The following UBTF variants were observed in gnomAD, a reference collection of about 807,000 sequenced individuals.
UBTF encodes the protein upstream binding transcription factor, also known as nucleolar transcription factor 1.
UBTF carries 8 observed loss-of-function variants against 112.3 expected under a neutral mutation model. The ratio of observed to expected loss-of-function variants is 0.07; its 90% confidence interval spans 0.04 to 0.13. The LOEUF (loss-of-function observed/expected upper bound fraction) is 0.13, where lower values mean the gene tolerates loss of function less well. Ranked by LOEUF, UBTF falls within the 10% of genes least tolerant of loss-of-function variation. The pLI is 1.00. For missense variants in UBTF, 457 were observed against 982.1 expected (o/e 0.47, Z 7.15); for synonymous variants, 417 against 373.1 (o/e 1.12, Z -1.36).
chr17:44,206,340 A>G lies in UBTF; in HGVS notation c.*902T>C, dbSNP rs1182002272. The G allele has an allele frequency of 2.6e-5, 4 of 151,712 alleles. No individual in the cohort carries two copies. The highest frequency in any genetic ancestry group is 2.0e-4 in the Admixed American group (3 of 15,200). The allele number at this position is 151,712 out of a possible 1,614,324, so 9.4% of individuals were successfully genotyped here. ...CCTCAGCCTGCTCCCACCAGGGTCA[A>G]CATCTCCCGGCCCTCACCGACCCTT... On this transcript the variant is annotated 3_prime_UTR_variant, in exon 21 of 21. Transcript: ENST00000436088.
chr17:44,219,111 G>A (rs1238732915), intron 1 of UBTF: 2 of 150,184 alleles, frequency 1.3e-5, no homozygotes, highest in Admixed American at 6.6e-5. Flanking sequence ...CCTCCGGGGA[G>A]CCGAGCCAAG....
At chr17:44,209,120 G>C in intron 17 of UBTF, 1 of 317,704 alleles carries the variant, frequency 3.1e-6, no homozygotes, top group Non-Finnish European at 5.4e-6. Context: ...AGTGAGCCGA[G>C]ACTACACCAC....
chr17:44,216,741 A>G (rs369950647), intron 2 of UBTF, 37 bp from the exon 3 acceptor site: 16 of 1,606,484 alleles, frequency 1.0e-5, no homozygotes, highest in African/African-American at 1.3e-5. Context: ...TGCCTGGCTC[A>G]TGCTATCCCC....
At chr17:44,213,681 A>T (rs2046695907) in intron 5 of UBTF, among the ~76,000 whole-genome samples, 1 of 151,918 alleles carries the variant, frequency 6.6e-6, no homozygotes, top group Admixed American at 6.6e-5. Context: ...CCCTCTTCTC[A>T]CTGTCTGTGG....
At chr17:44,220,064 TGCTGCTGCC>T (rs1326098982), upstream of UBTF, among the ~76,000 whole-genome samples, 11 of 104,592 alleles carry the variant, frequency 1.1e-4, no homozygotes, top group Non-Finnish European at 1.8e-4. Context: ...CTGCTGCTGC[TGCTGCTGCC>T]GCCGCCGGGG....
intron 2 of UBTF, 146 bp downstream of exon 2, chr17:44,218,026 G>A: frequency 1.2e-6 from 1 of 852,172 alleles, no homozygotes; most frequent in Non-Finnish European, 1.9e-6. Context: ...AAGTGTGGGA[G>A]ATGCTTGATT....
At chr17:44,219,906 G>C (rs993399767), upstream of UBTF, among the ~76,000 whole-genome samples, 6 of 150,932 alleles carry the variant, frequency 4.0e-5, no homozygotes, top group East Asian at 2.0e-4. Context: ...CGCCTCGCCG[G>C]CTCCGCTCCC....
chr17:44,216,180 C>A, intron 3 of UBTF, 191 bp from the exon 4 acceptor site: 1 of 624,400 alleles, frequency 1.6e-6, no homozygotes, highest in South Asian at 1.9e-5. Context: ...ACCGCAGAGG[C>A]CCAGGCAGTC....
rs1229185494 is a variant in UBTF at position 44,216,168 on chromosome 17, C to T, written c.235-179G>A. On this transcript the variant is annotated intron_variant, in intron 3 of 20. Transcript: ENST00000436088. ...ATGACACCCAGGCACTGGCCCATGCCTACCGCAGAGGCCCAGGCAGTCAGT... is the reference window on the plus strand; with the variant it reads ...ATGACACCCAGGCACTGGCCCATGCTTACCGCAGAGGCCCAGGCAGTCAGT... 1.6e-5 allele frequency: 10 copies of T among 637,198 alleles called. No individual in the cohort carries two copies. The South Asian group carries it at 1.7e-4, about 11-fold the overall frequency. The allele number at this position is 637,198 out of a possible 1,614,324, so 39.5% of individuals were successfully genotyped here.
intron 15 of UBTF, 150 bp downstream of exon 15, chr17:44,209,974 C>G: frequency 1.1e-6 from 1 of 897,386 alleles, no homozygotes; most frequent in South Asian, 1.5e-5. Context: ...GTCACCCCCA[C>G]CTTACTGATG....
chr17:44,220,205 C>T (rs988806231), upstream of UBTF, among the ~76,000 whole-genome samples: 5 of 151,824 alleles, frequency 3.3e-5, no homozygotes, highest in African/African-American at 9.7e-5. Flanking sequence ...AACTAGCAGG[C>T]TTCGCCGGCG....
At position 44,214,282 on chromosome 17, in the gene UBTF, C is replaced by T. The variant is rs569444949; in HGVS notation, c.475-1000G>A. Among the ~76,000 whole-genome samples, 48 of 152,344 alleles carry T rather than the reference C, an allele frequency of 3.2e-4. 2 individuals are homozygous for T. The South Asian group carries it at 9.3e-3, about 30-fold the overall frequency. ...AACCAGAAGCAGAGCTCAGCCTCCT[C>T]TTCCCCCATCTCAGTCCTCCTCAGA... is the stretch of plus-strand genomic sequence containing the variant. On this transcript the variant is annotated intron_variant, in intron 5 of 20. Coordinates refer to ENST00000436088, the MANE Select transcript of UBTF (RefSeq NM_014233.4).
At position 44,209,449 on chromosome 17, in the gene UBTF, C is replaced by T. The variant is rs1275063320; in HGVS notation, c.1808G>A (p.Arg603His). ...LKERMVEIGS[R>H]WQRISQSQKE... ...CTGGCTCTGGGAGATGCGCTGCCAG[C>T]GACTGCCGATCTCCACCATGCGCTC... Residue 603 changes from arginine (R) to histidine (H), a missense_variant, in exon 17 of 21, where the codon CGC becomes CAC. By Grantham distance (29) the Arg-to-His change is conservative. Transcript: ENST00000436088. The T allele has an allele frequency of 6.2e-7, 1 of 1,614,018 alleles. No individual in the cohort carries two copies. The highest frequency in any genetic ancestry group is 1.3e-5 in the African/African-American group (1 of 74,920).
At chr17:44,212,748 C>T in intron 7 of UBTF, 71 bp downstream of exon 7, 1 of 1,590,510 alleles carries the variant, frequency 6.3e-7, no homozygotes, top group Non-Finnish European at 8.6e-7. Context: ...CCGTGCCCGG[C>T]CGACCTGGCG....
chr17:44,216,475 C>A (rs1209706431), intron 3 of UBTF, 54 bp downstream of exon 3: 1 of 1,597,712 alleles, frequency 6.3e-7, no homozygotes, highest in Non-Finnish European at 8.6e-7. Flanking sequence ...TTCACTTCCC[C>A]CACCACGCTG....
chr17:44,212,318 G>A lies in UBTF; in HGVS notation c.771+26C>T, dbSNP rs74770080. ...GGCAGAGGCTCGTGAAGAGCCGGAC[G>A]GGGAGGAGCGCAGCGGAAGCCTAAC... On this transcript the variant is annotated intron_variant, in intron 8 of 20. Transcript: ENST00000436088. The A allele has an allele frequency of 9.3e-4, 1,485 of 1,590,054 alleles. 24 individuals are homozygous for A. In the East Asian group the frequency reaches 0.026, roughly 28 times the overall value.
chr17:44,208,052 T>A (rs559410789), intron 17 of UBTF, 141 bp from the exon 18 acceptor site: 1 of 970,240 alleles, frequency 1.0e-6, no homozygotes, highest in African/African-American at 1.6e-5. Flanking sequence ...AGATTTTGGG[T>A]CTCTGCAGAG....
chr17:44,212,842 C>T lies in UBTF; in HGVS notation c.637G>A (p.Val213Met). The T allele has an allele frequency of 6.2e-7, 1 of 1,614,120 alleles. No homozygotes were observed. Among genetic ancestry groups the T allele is most frequent in the Non-Finnish European group, 8.5e-7 (1 of 1,179,962 alleles). Residue 213 changes from valine to methionine, a missense_variant, in exon 7 of 21, where the codon GTG (valine) becomes ATG (methionine). Physicochemically the swap from Val to Met is conservative, Grantham distance 21. This residue lies in a region of UBTF where 87 missense variants were observed against 286.6 expected (regional missense o/e 0.30). Transcript: ENST00000436088. ...QQLWYTHEKK[V>M]YLKVRPDATT... ...ACATCTGGCCGCACTTTGAGATACA[C>T]CTTCTTCTCGTGGGTGTACCACAGC... is the stretch of plus-strand genomic sequence containing the variant.
At position 44,207,148 on chromosome 17, in the gene UBTF, G is replaced by T. The variant is rs552987056; in HGVS notation, c.*94C>A. 4 of 1,407,578 alleles carry T rather than the reference G, an allele frequency of 2.8e-6. No homozygotes were observed. The highest frequency in any genetic ancestry group is 1.2e-5 in the South Asian group (1 of 80,900). The allele number at this position is 1,407,578 out of a possible 1,614,324, so 87.2% of individuals were successfully genotyped here. A position where few individuals can be genotyped will look rare whatever the true frequency, so the allele number is the denominator to read the frequency against. The stretch of plus-strand genomic sequence containing the variant: ...GAAAGAAAGTGGGGGAGGCCAGGGG[G>T]GCAAGGGACAGAACATGGGGGAGAA... On this transcript the variant is annotated 3_prime_UTR_variant, in exon 21 of 21. Transcript: ENST00000436088.
Sources: gnomAD v4.1 joint callset for allele counts (sites outside exome capture counted in the v4.1 genomes callset) on GRCh38, gnomAD v4.1.1 for gene constraint, gnomAD v4.1.1 regional missense constraint, MANE v1.5 for transcripts, NCBI Gene and HGNC (gene_info 2026-07-23, HGNC 2026-07-21) for gene names.